The following GPLD1 variants were observed in gnomAD, a reference collection of about 807,000 sequenced individuals.
GPLD1 encodes phosphatidylinositol-glycan-specific phospholipase D.
A neutral mutation model predicts 112.6 loss-of-function variants in GPLD1; 84 were observed. The observed-to-expected ratio is 0.75, with a 90% CI of 0.63 to 0.89. The LOEUF (loss-of-function observed/expected upper bound fraction) is 0.89. Among genes scored for constraint, GPLD1 ranks in the 40% least tolerant of loss-of-function variants. The pLI, the probability that GPLD1 is intolerant of heterozygous loss-of-function variation, is 0.00. For synonymous variants in GPLD1, 386 were observed against 403.8 expected (o/e 0.96, Z 0.53); for missense variants, 1,044 against 1,051.5 (o/e 0.99, Z 0.10).
chr6:24,444,909 A>C (rs1762858107), intron 20 of GPLD1, among the ~76,000 whole-genome samples: 1 of 152,086 alleles, frequency 6.6e-6, no homozygotes, highest in Non-Finnish European at 1.5e-5. Context: ...TGACTTATAC[A>C]ATTTTTCTCT....
At chr6:24,464,350 A>T (rs753335431) in intron 10 of GPLD1, among the ~76,000 whole-genome samples, 25 of 152,132 alleles carry the variant, frequency 1.6e-4, no homozygotes, top group South Asian at 4.1e-4. Flanking sequence ...AGATCCCTTA[A>T]ATTCTGTACA....
rs1030102343 is a variant in GPLD1 at position 24,487,921 on chromosome 6, A to G, written c.97+1494T>C. Among the ~76,000 whole-genome samples the G allele has an allele frequency of 3.3e-5, 5 of 152,170 alleles. No homozygotes were observed. The East Asian group carries it at 7.7e-4, about 23-fold the overall frequency. ...GTTTCTTCATCTGTAAAAGAAGAGA[A>G]CTGGACTCGGTGACTTCTAGTGTCC... On this transcript the variant is annotated intron_variant, in intron 1 of 24. Coordinates refer to ENST00000230036, the MANE Select transcript of GPLD1 (RefSeq NM_001503.4).
At chr6:24,446,149 A>C (rs888697762) in intron 18 of GPLD1, among the ~76,000 whole-genome samples, 27 of 152,058 alleles carry the variant, frequency 1.8e-4, no homozygotes, top group South Asian at 4.2e-4. Context: ...CCTAACCCCC[A>C]GTATCTCTGA....
chr6:24,485,224 T>C (rs1175887457), intron 2 of GPLD1, among the ~76,000 whole-genome samples: 1 of 152,172 alleles, frequency 6.6e-6, no homozygotes, highest in African/African-American at 2.4e-5. Context: ...CTCTCTCAAG[T>C]ATGACTTTTT....
rs186008226 is a variant in GPLD1, at chr6:24,456,527, G to A, written c.1119C>T (p.Phe373=). ...CAAGCCTCGCATAAGGAAATGACAA[G>A]AAGTAAGATGCTAAGGGGCTGGAGA... ...KHVSSPLASY[F]LSFPYARLGW... The change falls in exon 13 of 25, where the codon TTC becomes TTT. Residue 373 remains phenylalanine, a synonymous_variant. Coordinates refer to ENST00000230036, the MANE Select transcript of GPLD1 (RefSeq NM_001503.4). 3 of 1,610,416 alleles carry A rather than the reference G, an allele frequency of 1.9e-6. No individual in the cohort carries two copies. Among genetic ancestry groups the A allele is most frequent in the Non-Finnish European group, 2.5e-6 (3 of 1,177,222 alleles).
intron 6 of GPLD1, 151 bp from the exon 7 acceptor site, chr6:24,472,787 T>G: frequency 1.7e-6 from 1 of 596,172 alleles, no homozygotes; most frequent in Non-Finnish European, 3.0e-6. Flanking sequence ...TGCCTTTTTT[T>G]TTTTTTAGAC....
At chr6:24,492,537 A>G (rs1484120558), upstream of GPLD1, among the ~76,000 whole-genome samples, 3 of 151,642 alleles carry the variant, frequency 2.0e-5, no homozygotes, top group Admixed American at 6.6e-5. Flanking sequence ...AGTGAAAGAA[A>G]AAAAAGAAAA....
intron 20 of GPLD1, among the ~76,000 whole-genome samples, chr6:24,443,902 G>A (rs1762829185): frequency 6.6e-6 from 1 of 152,060 alleles, no homozygotes; most frequent in Non-Finnish European, 1.5e-5. Flanking sequence ...TCTAACTCCT[G>A]ACCTCAACTG....
At chr6:24,457,751 T>TA (rs1763313645) in intron 12 of GPLD1, among the ~76,000 whole-genome samples, 1 of 151,842 alleles carries the variant, frequency 6.6e-6, no homozygotes, top group Admixed American at 6.6e-5. Context: ...CGGGCACCTG[T>TA]AGTCCCAGCT....
At chr6:24,425,233 TA>T (rs1317198821), downstream of GPLD1, 16 of 152,222 alleles carry the variant, frequency 1.1e-4, no homozygotes, top group Non-Finnish European at 2.1e-4. Flanking sequence ...CACTGTAAAA[TA>T]CATAATAAGT....
rs550724143 is a variant in GPLD1 at position 24,427,222 on chromosome 6, G to A, written c.*1810C>T. 7.7e-4 allele frequency among the ~76,000 whole-genome samples: 117 copies of A among 152,266 alleles called. No homozygotes were observed. Among genetic ancestry groups the A allele is most frequent in the African/African-American group, 2.7e-3 (113 of 41,560 alleles). On this transcript the variant is annotated 3_prime_UTR_variant, in exon 25 of 25. Transcript: ENST00000230036. ...TATGATACATTCCATTCCCTTAAGT[G>A]TGCCACGCTGCAGGACTGACAAATG...
At chr6:24,495,276 G>C (rs1764672993), upstream of GPLD1, 1 of 1,532,456 alleles carries the variant, frequency 6.5e-7, no homozygotes, top group South Asian at 1.2e-5. Flanking sequence ...AGCCGACTGC[G>C]GGGTGCGAGA....
At position 24,445,722 on chromosome 6, in the gene GPLD1, A is replaced by G. The variant is rs536019962; in HGVS notation, c.1926+4T>C. The stretch of plus-strand genomic sequence containing the variant: ...CTCTCCTGTGTGGGGAGGGCTTGTC[A>G]TACCTTGTCTCCAGAAATGGTAAAC... On this transcript the variant is annotated splice_donor_region_variant and intron_variant, in intron 19 of 24. Coordinates refer to ENST00000230036, the MANE Select transcript of GPLD1 (RefSeq NM_001503.4). 1 of 1,611,288 alleles carries G rather than the reference A, an allele frequency of 6.2e-7. No individual in the cohort carries two copies. The highest frequency in any genetic ancestry group is 2.2e-5 in the East Asian group (1 of 44,858).
Position 24,466,691 on chromosome 6 carries a change from C to A in GPLD1, c.810G>T (p.Glu270Asp), listed in dbSNP as rs372940057. Residue 270 changes from glutamate to aspartate, a missense_variant, in exon 10 of 25, where the codon GAG (glutamate) becomes GAT (aspartate). Physicochemically the swap from Glu to Asp is conservative, Grantham distance 45. Transcript: ENST00000230036. ...NIYHLTSFML[E>D]NGTSDCNLPE... ...CAATATGAATTCACCTGGTCCCATT[C>A]TCCAACATGAAGCTTGTTAGATGGT... The A allele has an allele frequency of 1.9e-5, 31 of 1,612,450 alleles. No homozygotes were observed. Among genetic ancestry groups the A allele is most frequent in the Admixed American group, 3.3e-5 (2 of 59,970 alleles).
At position 24,480,899 on chromosome 6, in the gene GPLD1, C is replaced by G. The variant is rs7772512; in HGVS notation, c.154-940G>C. Among the ~76,000 whole-genome samples the G allele has an allele frequency of 6.3e-4, 96 of 152,338 alleles. 1 individual carries two copies. The highest frequency in any genetic ancestry group is 2.1e-3 in the African/African-American group (87 of 41,586). On this transcript the variant is annotated intron_variant, in intron 2 of 24. Transcript: ENST00000230036. Reference sequence around the variant, plus strand: ...GCTAACATGGAAGCATTTGGTTTTTCCACAGCAGAGGTAGCACAGCCCCTC... The same window carrying G: ...GCTAACATGGAAGCATTTGGTTTTTGCACAGCAGAGGTAGCACAGCCCCTC...
chr6:24,490,557 CGTGATCAACATA>C (rs1371713804), upstream of GPLD1, among the ~76,000 whole-genome samples: 6 of 152,052 alleles, frequency 3.9e-5, no homozygotes, highest in South Asian at 1.2e-3. Flanking sequence ...TTGAGACCAG[CGTGATCAACATA>C]GTGAAGACCC....
At chr6:24,460,451 T>TAAAACTGAGTTGAA in intron 11 of GPLD1, 52 bp from the exon 12 acceptor site, 1 of 1,589,534 alleles carries the variant, frequency 6.3e-7, no homozygotes, top group East Asian at 2.2e-5. Context: ...AACAACCCCC[T>TAAAACTGAGTTGAA]GTAAAACTGA....
At position 24,427,262 on chromosome 6, in the gene GPLD1, A is replaced by G. The variant is rs1190150951; in HGVS notation, c.*1770T>C. On this transcript the variant is annotated 3_prime_UTR_variant, in exon 25 of 25. Transcript: ENST00000230036. ...ACTGACAAATGAAATCCATCCTACG[A>G]AAAACAGCCCAGGAACAAGCGAGGC... Among the ~76,000 whole-genome samples, 1 of 152,212 alleles carries G rather than the reference A, an allele frequency of 6.6e-6. No individual in the cohort carries two copies. The highest frequency in any genetic ancestry group is 6.5e-5 in the Admixed American group (1 of 15,274).
exon 1 of GPLD1, chr6:24,495,122 C>G: frequency 7.3e-7 from 1 of 1,377,416 alleles, no homozygotes; most frequent in South Asian, 1.7e-5. Context: ...CCGGCCCGGC[C>G]CAGCTCCGCT....
Sources: gnomAD v4.1 joint callset for allele counts (sites outside exome capture counted in the v4.1 genomes callset) on GRCh38, gnomAD v4.1.1 for gene constraint, MANE v1.5 for transcripts, NCBI Gene and HGNC (gene_info 2026-07-23, HGNC 2026-07-21) for gene names.